BLTP3B: variants seen among roughly 807,000 people sequenced by gnomAD.
BLTP3B encodes UHRF1 (ICBP90) binding protein 1-like.
the BLTP3B span, among the ~76,000 whole-genome samples, chr12:100,121,368 A>C: frequency 4.0e-5 from 6 of 151,444 alleles, no homozygotes; most frequent in Middle Eastern, 3.2e-3. Flanking sequence ...AAAAAAAAAA[A>C]AAAAACAGAA....
the BLTP3B span, chr12:100,047,533 T>C: frequency 6.3e-7 from 1 of 1,597,324 alleles, no homozygotes; most frequent in South Asian, 1.1e-5. Flanking sequence ...TATATACCTC[T>C]GATATGAAAA....
chr12:100,058,091 G>C, the BLTP3B span: 2 of 1,608,878 alleles, frequency 1.2e-6, no homozygotes, highest in Non-Finnish European at 1.7e-6. Context: ...TGATATCCAG[G>C]TTTTCAGAGA....
At chr12:100,071,234 C>T in the BLTP3B span, among the ~76,000 whole-genome samples, 32 of 152,096 alleles carry the variant, frequency 2.1e-4, no homozygotes, top group African/African-American at 7.7e-4. Flanking sequence ...CAGTGGCTCA[C>T]ACCTGTAATC....
the BLTP3B span, among the ~76,000 whole-genome samples, chr12:100,046,476 A>T: frequency 6.6e-6 from 1 of 152,074 alleles, no homozygotes; most frequent in East Asian, 1.9e-4. Context: ...TACCGCAAGG[A>T]CAGAAAACTG....
the BLTP3B span, chr12:100,059,056 G>A: frequency 1.2e-6 from 2 of 1,614,054 alleles, no homozygotes; most frequent in East Asian, 4.5e-5. Context: ...CAAGTCTGCG[G>A]CTCTTTTTGT....
At chr12:100,117,098 T>C in the BLTP3B span, among the ~76,000 whole-genome samples, 4 of 151,994 alleles carry the variant, frequency 2.6e-5, no homozygotes, top group East Asian at 5.8e-4. Context: ...TTGGAGAAAA[T>C]AGAGAAATCT....
chr12:100,098,694 G>A, the BLTP3B span, among the ~76,000 whole-genome samples: 901 of 151,886 alleles, frequency 5.9e-3, 9 homozygotes, highest in African/African-American at 0.021. Context: ...TTGAGGCCAG[G>A]AGTTCAAGCC....
chr12:100,138,343 G>A, the BLTP3B span, among the ~76,000 whole-genome samples: 2 of 152,122 alleles, frequency 1.3e-5, no homozygotes, highest in Non-Finnish European at 2.9e-5. Flanking sequence ...ATGTTTGCAG[G>A]CAAAACAACT....
the BLTP3B span, among the ~76,000 whole-genome samples, chr12:100,108,010 G>A: frequency 6.6e-6 from 1 of 152,140 alleles, no homozygotes; most frequent in Non-Finnish European, 1.5e-5. Flanking sequence ...CCAAAGTGCT[G>A]GGATTACAGG....
the BLTP3B span, among the ~76,000 whole-genome samples, chr12:100,130,454 C>A: frequency 4.7e-4 from 71 of 152,294 alleles, 1 homozygote; most frequent in African/African-American, 1.6e-3. Context: ...GTATATTTTA[C>A]AGAACCTTCC....
At chr12:100,069,113 G>C in the BLTP3B span, among the ~76,000 whole-genome samples, 3 of 152,158 alleles carry the variant, frequency 2.0e-5, no homozygotes, top group African/African-American at 7.2e-5. Context: ...TCAGGAGGCT[G>C]AGGGAGGGGA....
At chr12:100,058,679 A>G in the BLTP3B span, 1 of 1,613,980 alleles carries the variant, frequency 6.2e-7, no homozygotes, top group African/African-American at 1.3e-5. Context: ...CCAGTTCTGC[A>G]CTTCTAAGTA....
chr12:100,099,974 A>G, the BLTP3B span, among the ~76,000 whole-genome samples: 1 of 151,120 alleles, frequency 6.6e-6, no homozygotes, highest in South Asian at 2.1e-4. Flanking sequence ...AATCTAGTCT[A>G]GTTACATATA....
chr12:100,102,110 CT>C, the BLTP3B span, among the ~76,000 whole-genome samples: 3,135 of 135,026 alleles, frequency 0.023, 82 homozygotes, highest in African/African-American at 0.073. Flanking sequence ...CAACTTAACT[CT>C]TTTTTTTTTT....
At chr12:100,136,369 C>G in the BLTP3B span, among the ~76,000 whole-genome samples, 1 of 152,034 alleles carries the variant, frequency 6.6e-6, no homozygotes, top group African/African-American at 2.4e-5. Context: ...ACCCGCAATG[C>G]CAGACAAGTA....
chr12:100,067,974 T>C, the BLTP3B span, among the ~76,000 whole-genome samples: 1 of 152,176 alleles, frequency 6.6e-6, no homozygotes, highest in Non-Finnish European at 1.5e-5. Flanking sequence ...ACCACCATCA[T>C]TCTTCACAGA....
the BLTP3B span, among the ~76,000 whole-genome samples, chr12:100,123,753 TTTTTTTTTTAA>T: frequency 6.7e-6 from 1 of 149,068 alleles, no homozygotes; most frequent in Non-Finnish European, 1.5e-5. Flanking sequence ...TAAACTGCCT[TTTTTTTTTTAA>T]ATGCATTCTC....
chr12:100,139,416 G>A, the BLTP3B span, among the ~76,000 whole-genome samples: 397 of 152,206 alleles, frequency 2.6e-3, 2 homozygotes, highest in Admixed American at 5.6e-3. Context: ...TTCTCATGTT[G>A]GTTCACAGTC....
At chr12:100,070,522 G>T in the BLTP3B span, among the ~76,000 whole-genome samples, 1 of 152,066 alleles carries the variant, frequency 6.6e-6, no homozygotes, top group Non-Finnish European at 1.5e-5. Flanking sequence ...CTCCTAAAGT[G>T]CTGGGATTAC....
Sources: allele counts gnomAD v4.1 joint callset (sites outside exome capture counted in the v4.1 genomes callset), GRCh38; gene constraint gnomAD v4.1.1; transcripts MANE v1.5; gene names NCBI Gene and HGNC (gene_info 2026-07-23, HGNC 2026-07-21).